Variants in MTA3 observed in about 807,000 individuals in gnomAD.
The protein encoded by MTA3 is metastasis associated 1 family member 3, also known as metastasis-associated protein MTA3.
MTA3 carries 34 observed loss-of-function variants against 83.5 expected under a neutral mutation model. That is an observed-to-expected ratio of 0.41 (90% CI 0.31 to 0.54). The LOEUF (loss-of-function observed/expected upper bound fraction) is 0.54, where lower values mean the gene tolerates loss of function less well. MTA3 is among the 20% of genes least tolerant of loss of function. The probability of loss-of-function intolerance (pLI) is 0.33; values close to 1 mark genes in which losing one functional copy is unlikely to be tolerated. For synonymous variants in MTA3, 303 were observed against 252.7 expected, an observed-to-expected ratio of 1.20 and a Z score of -1.89; for missense variants, 761 against 726.4, an observed-to-expected ratio of 1.05 and a Z score of -0.55.
intron 16 of MTA3, among the ~76,000 whole-genome samples, chr2:42,725,586 C>G (rs1381843724): frequency 6.6e-6 from 1 of 152,184 alleles, no homozygotes; most frequent in Non-Finnish European, 1.5e-5. Context: ...AAGGAAGAAG[C>G]TGGGCTTATC....
chr2:42,636,315 G>C (rs1282480058), intron 4 of MTA3, among the ~76,000 whole-genome samples: 1 of 152,102 alleles, frequency 6.6e-6, no homozygotes, highest in Non-Finnish European at 1.5e-5. Context: ...CAAGGTGGGA[G>C]GATCGCTTGA....
Position 42,558,238 on chromosome 2 carries a change from CTTT to C in MTA3, c.-140-12181_-140-12179del, listed in dbSNP as rs777256051. Among the ~76,000 whole-genome samples, 72 of 125,922 alleles carry C rather than the reference CTTT, an allele frequency of 5.7e-4. 1 individual carries two copies. The highest frequency in any genetic ancestry group is 2.0e-3 in the African/African-American group (69 of 34,020). 82.6% of individuals were successfully genotyped at this position (125,922 alleles called of 152,430 possible). A position where few individuals can be genotyped will look rare whatever the true frequency, so the allele number is the denominator to read the frequency against. On this transcript the variant is annotated intron_variant, in intron 2 of 17. Transcript: ENST00000405592. ...GCTACACTGTGGAATCACCTGAGGA[CTTT>C]TTTTTTTTTTTTTTTTTGAGTTGGA...
chr2:42,732,125 T>G (rs995355936), intron 16 of MTA3, among the ~76,000 whole-genome samples: 1 of 152,202 alleles, frequency 6.6e-6, no homozygotes, highest in African/African-American at 2.4e-5. Flanking sequence ...ACGGCTGCAC[T>G]AGGCAGTGCC....
chr2:42,642,656 T>G (rs2104307799), intron 5 of MTA3, among the ~76,000 whole-genome samples: 1 of 151,562 alleles, frequency 6.6e-6, no homozygotes, highest in South Asian at 2.1e-4. Context: ...TTTTTTTTTT[T>G]TTTTTGAGAT....
intron 2 of MTA3, among the ~76,000 whole-genome samples, chr2:42,509,288 T>C (rs1012976710): frequency 6.6e-6 from 1 of 152,018 alleles, no homozygotes; most frequent in Non-Finnish European, 1.5e-5. Flanking sequence ...AGTGATCCGC[T>C]TGCCTCGGCC....
rs1441423038 is a variant in MTA3, at chr2:42,708,989, C to T, written c.1418C>T (p.Thr473Ile). The change falls in exon 14 of 17, where the codon ACA becomes ATA. Residue 473 changes from threonine (T) to isoleucine (I), a missense_variant. Physicochemically the swap from Thr to Ile is moderately conservative, Grantham distance 89. Coordinates refer to ENST00000405094, the MANE Select transcript of MTA3 (RefSeq NM_001330442.2). ...KTRQAFFLHTTYFTKFARQVC... is the reference protein window; with the variant it reads ...KTRQAFFLHTIYFTKFARQVC... ...CGCCAAGCTTTCTTCCTTCATACTA[C>T]ATATTTCACAAAATTTGCTCGTCAG... 6.2e-7 allele frequency: 1 copy of T among 1,614,032 alleles called. No homozygotes were observed. Among genetic ancestry groups the T allele is most frequent in the Non-Finnish European group, 8.5e-7 (1 of 1,179,896 alleles).
At chr2:42,600,541 T>C (rs1419822986) in intron 3 of MTA3, among the ~76,000 whole-genome samples, 3 of 151,210 alleles carry the variant, frequency 2.0e-5, no homozygotes, top group African/African-American at 7.3e-5. Flanking sequence ...TTCAGGCCCA[T>C]GTTTCTTTGT....
intron 2 of MTA3, among the ~76,000 whole-genome samples, chr2:42,540,449 G>C (rs1458124703): frequency 5.3e-5 from 8 of 151,870 alleles, no homozygotes; most frequent in Admixed American, 4.6e-4. Flanking sequence ...GTTGGGATTA[G>C]ACATAAGCCA....
Position 42,682,426 on chromosome 2 carries a change from G to C in MTA3, c.728G>C (p.Arg243Thr), listed in dbSNP as rs1286246505. The change falls in exon 9 of 17, where the codon AGA becomes ACA. Residue 243 changes from arginine (R) to threonine (T), a missense_variant. Physicochemically the swap from Arg to Thr is moderately conservative, Grantham distance 71. Transcript: ENST00000405094. ...TLFHAMDTLY[R>T]HSYDLSSAIS... ...TTTCACGCTATGGATACATTGTATA[G>C]ACACAGCTATGATTTGAGCAGTGCC... 3.7e-6 allele frequency: 6 copies of C among 1,609,082 alleles called. No individual in the cohort carries two copies. In the South Asian group the frequency reaches 6.7e-5, roughly 18 times the overall value.
chr2:42,613,708 T>C (rs1278542029), intron 4 of MTA3: 1 of 152,212 alleles, frequency 6.6e-6, no homozygotes, highest in Non-Finnish European at 1.5e-5. Flanking sequence ...ATTCTTGAGT[T>C]GCTTTTTAGT....
At chr2:42,641,866 TAA>T (rs921391334) in intron 5 of MTA3, among the ~76,000 whole-genome samples, 2 of 144,328 alleles carry the variant, frequency 1.4e-5, no homozygotes. Context: ...GACCTTGTCT[TAA>T]AAAAAAAAAA....
rs1009801180 is a variant in MTA3, at chr2:42,651,799, C to CA, written c.500-4389dup. 8.9e-3 allele frequency among the ~76,000 whole-genome samples: 1,046 copies of CA among 117,724 alleles called. 7 individuals are homozygous for CA. Among genetic ancestry groups the CA allele is most frequent in the African/African-American group, 0.024 (758 of 31,364 alleles). The allele number at this position is 117,724 out of a possible 152,430, so 77.2% of individuals were successfully genotyped here. On this transcript the variant is annotated intron_variant, in intron 6 of 16. Transcript: ENST00000405094. ...TGGGTGACAGAGCGAGACCTTGTCT[C>CA]AAAAAAAAAAAAGAGGCTGGGCATG...
intron 8 of MTA3, among the ~76,000 whole-genome samples, chr2:42,674,579 A>C (rs1039032461): frequency 1.4e-5 from 2 of 146,396 alleles, no homozygotes; most frequent in Non-Finnish European, 3.0e-5. Context: ...GAAGACTTTT[A>C]GTTTAGTTTT....
intron 2 of MTA3, among the ~76,000 whole-genome samples, chr2:42,514,736 G>GGAGTA (rs1355713045): frequency 1.6e-5 from 2 of 122,584 alleles, no homozygotes; most frequent in African/African-American, 6.4e-5. Context: ...TGTCCAGGCT[G>GGAGTA]GAGTACAGCA....
At position 42,753,424 on chromosome 2, in the gene MTA3, C is replaced by G. The variant is rs1331248650; in HGVS notation, c.*25C>G. 1.3e-6 allele frequency: 2 copies of G among 1,550,584 alleles called. No individual in the cohort carries two copies. Among genetic ancestry groups the G allele is most frequent in the Non-Finnish European group, 1.7e-6 (2 of 1,146,952 alleles). ...AGCTTTCCCTGATTCATTCTACAAT[C>G]CAAGACTTGCTGCACTGTCCTGCTG... On this transcript the variant is annotated 3_prime_UTR_variant, in exon 17 of 17. Coordinates refer to ENST00000405094, the MANE Select transcript of MTA3 (RefSeq NM_001330442.2).
At chr2:42,578,969 CTG>C (rs1679329980) in intron 2 of MTA3, 136 bp from the exon 3 acceptor site, 1 of 563,100 alleles carries the variant, frequency 1.8e-6, no homozygotes, top group Non-Finnish European at 3.1e-6. Context: ...TTTTTTAGCT[CTG>C]TGGTTATCCT....
At chr2:42,734,032 T>C (rs1371846783) in intron 16 of MTA3, among the ~76,000 whole-genome samples, 1 of 152,216 alleles carries the variant, frequency 6.6e-6, no homozygotes, top group Non-Finnish European at 1.5e-5. Context: ...TGTAAATATT[T>C]ATTGGGTTTG....
intron 16 of MTA3, among the ~76,000 whole-genome samples, chr2:42,738,132 T>C (rs571781422): frequency 6.6e-6 from 1 of 152,166 alleles, no homozygotes; most frequent in East Asian, 1.9e-4. Flanking sequence ...CATGGTGGCA[T>C]GTGCCTGTAG....
intron 2 of MTA3, among the ~76,000 whole-genome samples, chr2:42,531,101 A>G (rs1675943314): frequency 6.6e-6 from 1 of 152,100 alleles, no homozygotes; most frequent in African/African-American, 2.4e-5. Context: ...AAGTGTTGGG[A>G]TTACATGTGT....
Sources: gnomAD v4.1 joint callset for allele counts (sites outside exome capture counted in the v4.1 genomes callset) on GRCh38, gnomAD v4.1.1 for gene constraint, MANE v1.5 for transcripts, NCBI Gene and HGNC (gene_info 2026-07-23, HGNC 2026-07-21) for gene names.